MSI2: variants seen among roughly 807,000 people sequenced by gnomAD.
MSI2 encodes musashi RNA binding protein 2, also known as RNA-binding protein Musashi homolog 2.
In MSI2, 17 loss-of-function variants were observed where a neutral mutation model predicts 45.6. The observed-to-expected ratio is 0.37, with a 90% confidence interval of 0.26 to 0.56. The LOEUF is 0.56. MSI2 is among the 20% of genes least tolerant of loss of function. The pLI is 0.77. For missense variants in MSI2, 293 were observed against 444.2 expected (o/e 0.66, Z 3.06); for synonymous variants, 156 against 158.2 (o/e 0.99, Z 0.11).
Position 57,280,063 on chromosome 17 carries a change from G to C in MSI2, c.312+17871G>C, listed in dbSNP as rs1193042171. On this transcript the variant is annotated intron_variant, in intron 5 of 13. Coordinates refer to ENST00000284073, the MANE Select transcript of MSI2 (RefSeq NM_138962.4). This position sits in a 1 kb window ranked among gnomAD's most constrained non-coding sequence, Gnocchi z 4.2. ...CTTTGGGTTTTGGGAAGGCTTCCTG[G>C]AGAAATAACGTTGAGGCTGAGCTTG... The C allele has an allele frequency of 6.6e-6, 1 of 152,096 alleles. No homozygotes were observed. The highest frequency in any genetic ancestry group is 2.4e-5 in the African/African-American group (1 of 41,400). 9.4% of individuals were successfully genotyped at this position (152,096 alleles called of 1,614,324 possible).
chr17:57,376,783 G>A (rs1166409151), intron 5 of MSI2, among the ~76,000 whole-genome samples: 2 of 152,120 alleles, frequency 1.3e-5, no homozygotes, highest in African/African-American at 4.8e-5. Flanking sequence ...GAGAATATCT[G>A]CCCTTTGCCT....
At chr17:57,381,886 C>T (rs994348545) in intron 5 of MSI2, among the ~76,000 whole-genome samples, 12 of 152,058 alleles carry the variant, frequency 7.9e-5, no homozygotes, top group African/African-American at 2.7e-4. Flanking sequence ...CTATTTTCCA[C>T]GCAATTTGAT....
intron 7 of MSI2, among the ~76,000 whole-genome samples, chr17:57,581,821 C>T (rs139599461): frequency 1.1e-3 from 173 of 152,306 alleles, no homozygotes; most frequent in African/African-American, 3.9e-3. Context: ...ACCAGCATTT[C>T]GTAAGTCGTC....
intron 6 of MSI2, chr17:57,440,885 T>C (rs2084788092): frequency 6.6e-6 from 1 of 152,074 alleles, no homozygotes; most frequent in African/African-American, 2.4e-5. Flanking sequence ...ACCTGGACTA[T>C]CTCTTTTTAC....
At chr17:57,543,775 C>T (rs952513020) in intron 7 of MSI2, among the ~76,000 whole-genome samples, 8 of 152,134 alleles carry the variant, frequency 5.3e-5, no homozygotes, top group Admixed American at 5.2e-4. Flanking sequence ...GTAAGATTTA[C>T]AAAAGAAGCT....
intron 7 of MSI2, among the ~76,000 whole-genome samples, chr17:57,541,447 T>C (rs1267846674): frequency 6.6e-6 from 1 of 152,162 alleles, no homozygotes; most frequent in Non-Finnish European, 1.5e-5. Context: ...GGCATCCCTA[T>C]ATACCTGCCT....
At chr17:57,665,795 G>T (rs1179222092) in intron 11 of MSI2, among the ~76,000 whole-genome samples, 1 of 152,196 alleles carries the variant, frequency 6.6e-6, no homozygotes, top group African/African-American at 2.4e-5. Flanking sequence ...TGGGGTGGGG[G>T]AGGGGAGTTC....
intron 6 of MSI2, among the ~76,000 whole-genome samples, chr17:57,492,387 T>G (rs2085891038): frequency 6.6e-6 from 1 of 152,206 alleles, no homozygotes; most frequent in Non-Finnish European, 1.5e-5. Flanking sequence ...AATCAGGAGA[T>G]AAAAACCTTG....
At position 57,407,429 on chromosome 17, in the gene MSI2, C is replaced by T. The variant is rs1046242048; in HGVS notation, c.405+5958C>T. Among the ~76,000 whole-genome samples the T allele has an allele frequency of 1.3e-5, 2 of 152,256 alleles. No individual in the cohort carries two copies. The highest frequency in any genetic ancestry group is 1.5e-5 in the Non-Finnish European group (1 of 68,016). On this transcript the variant is annotated intron_variant, in intron 6 of 13. Coordinates refer to ENST00000284073, the MANE Select transcript of MSI2 (RefSeq NM_138962.4). The surrounding 1 kb of genome is among the most constrained non-coding windows in gnomAD (Gnocchi z 4.1). ...TGAGATCTGTGAGAAGATAAATAAG[C>T]CTGAGAGTGGACTGTGATCCTCAGG... is the stretch of plus-strand genomic sequence containing the variant.
chr17:57,498,794 T>C (rs1226144106), intron 6 of MSI2, among the ~76,000 whole-genome samples: 1 of 152,028 alleles, frequency 6.6e-6, no homozygotes, highest in Non-Finnish European at 1.5e-5. Context: ...ATACTTTAAG[T>C]TCTAGGGTAC....
intron 5 of MSI2, among the ~76,000 whole-genome samples, chr17:57,343,519 C>T (rs955825912): frequency 4.6e-5 from 7 of 152,088 alleles, no homozygotes; most frequent in African/African-American, 1.7e-4. Context: ...CGCATTGTGA[C>T]CCTCCACTCC....
chr17:57,682,303 C>T lies in MSI2; in HGVS notation c.*2786C>T, dbSNP rs1355589261. 8 of 179,412 alleles carry T rather than the reference C, an allele frequency of 4.5e-5. No individual in the cohort carries two copies. In the South Asian group the frequency reaches 8.2e-4, roughly 18 times the overall value. 11.1% of individuals were successfully genotyped at this position (179,412 alleles called of 1,614,324 possible). A position where few individuals can be genotyped will look rare whatever the true frequency, so the allele number is the denominator to read the frequency against. On this transcript the variant is annotated 3_prime_UTR_variant, in exon 14 of 14. Coordinates refer to ENST00000284073, the MANE Select transcript of MSI2 (RefSeq NM_138962.4). ...CATGTTAAAATGCCGGCGGACTCTA[C>T]GGCGTTTTGTAGATCCCCCCCCCCC...
intron 5 of MSI2, among the ~76,000 whole-genome samples, chr17:57,348,541 C>T (rs1206209582): frequency 6.6e-6 from 1 of 152,174 alleles, no homozygotes; most frequent in African/African-American, 2.4e-5. Context: ...CTCATGACAG[C>T]TGGTTGTTTA....
chr17:57,588,166 A>C (rs1021676643), intron 7 of MSI2, among the ~76,000 whole-genome samples: 1 of 152,216 alleles, frequency 6.6e-6, no homozygotes, highest in African/African-American at 2.4e-5. Flanking sequence ...GCATGCCAGC[A>C]GACCCCTCGC....
intron 8 of MSI2, among the ~76,000 whole-genome samples, chr17:57,599,672 G>A (rs751126303): frequency 2.6e-5 from 4 of 152,200 alleles, no homozygotes; most frequent in Non-Finnish European, 2.9e-5. Context: ...AGAAGTGGGG[G>A]CAGATTGATT....
intron 11 of MSI2, among the ~76,000 whole-genome samples, chr17:57,672,333 C>G (rs896239676): frequency 1.3e-5 from 2 of 152,236 alleles, no homozygotes; most frequent in African/African-American, 4.8e-5. Context: ...CAGGCCGACT[C>G]AGAAACCACA....
At chr17:57,622,824 A>G (rs1201762957) in intron 9 of MSI2, among the ~76,000 whole-genome samples, 2 of 152,194 alleles carry the variant, frequency 1.3e-5, no homozygotes, top group Non-Finnish European at 2.9e-5. Flanking sequence ...TTCTCAAGGA[A>G]GTGTTCCTTT....
chr17:57,332,536 G>A (rs1249934476), intron 5 of MSI2, among the ~76,000 whole-genome samples: 1 of 152,180 alleles, frequency 6.6e-6, no homozygotes, highest in African/African-American at 2.4e-5. Flanking sequence ...TAATTTTACT[G>A]TTGGTTTTAT....
chr17:57,443,451 A>G (rs2084838653), intron 6 of MSI2, among the ~76,000 whole-genome samples: 1 of 152,062 alleles, frequency 6.6e-6, no homozygotes. Context: ...TACCCCAACC[A>G]CCAAAGAAAG....
Sources: gnomAD v4.1 joint callset for allele counts (sites outside exome capture counted in the v4.1 genomes callset) on GRCh38, gnomAD v4.1.1 for gene constraint, Gnocchi (gnomAD v3.1) non-coding constraint, MANE v1.5 for transcripts, NCBI Gene and HGNC (gene_info 2026-07-23, HGNC 2026-07-21) for gene names.